Variants in IQCM observed in about 807,000 individuals in gnomAD.
The protein encoded by IQCM is IQ domain-containing protein M.
A neutral mutation model predicts 57.6 loss-of-function variants in IQCM; 45 were observed. That is an observed-to-expected ratio of 0.78 (90% CI 0.62 to 1.00). The LOEUF (loss-of-function observed/expected upper bound fraction) is 1.00, where lower values mean the gene tolerates loss of function less well. Among genes scored for constraint, IQCM ranks in the 50% least tolerant of loss-of-function variants. The pLI is 0.00. For synonymous variants in IQCM, 148 were observed against 158.9 expected, an observed-to-expected ratio of 0.93 and a Z score of 0.51; for missense variants, 468 against 511.6, an observed-to-expected ratio of 0.91 and a Z score of 0.82.
intron 2 of IQCM, among the ~76,000 whole-genome samples, chr4:149,751,338 T>C (rs886154223): frequency 7.2e-5 from 11 of 152,202 alleles, no homozygotes; most frequent in Admixed American, 7.2e-4. Flanking sequence ...TTATTCTACT[T>C]TGTTCTAACA....
At chr4:149,559,312 T>C (rs1371966219) in intron 10 of IQCM, among the ~76,000 whole-genome samples, 6 of 152,350 alleles carry the variant, frequency 3.9e-5, no homozygotes, top group Admixed American at 1.3e-4. Context: ...ACACCAAGTA[T>C]AAACTCCTTA....
At chr4:149,560,857 C>T (rs533888930) in intron 10 of IQCM, among the ~76,000 whole-genome samples, 1 of 152,172 alleles carries the variant, frequency 6.6e-6, no homozygotes, top group Non-Finnish European at 1.5e-5. Flanking sequence ...ATGGAAGTCT[C>T]CCAGCGGAGG....
intron 13 of IQCM, among the ~76,000 whole-genome samples, chr4:149,363,736 T>C (rs985818943): frequency 6.6e-6 from 1 of 152,198 alleles, no homozygotes; most frequent in African/African-American, 2.4e-5. Flanking sequence ...AGTTTTTAAA[T>C]AATCAGGTCC....
chr4:149,528,224 G>T (rs527630865), intron 12 of IQCM, among the ~76,000 whole-genome samples: 19 of 151,938 alleles, frequency 1.3e-4, no homozygotes, highest in Admixed American at 7.9e-4. Context: ...GACCTCAGAC[G>T]ATCCACCCAC....
chr4:149,637,384 C>T (rs1380596509), intron 7 of IQCM, among the ~76,000 whole-genome samples: 1 of 151,812 alleles, frequency 6.6e-6, no homozygotes, highest in African/African-American at 2.4e-5. Flanking sequence ...TTAAAGAAGG[C>T]CTAAATTAAT....
At chr4:149,550,539 C>A (rs1247635291) in intron 11 of IQCM, among the ~76,000 whole-genome samples, 1 of 152,136 alleles carries the variant, frequency 6.6e-6, no homozygotes, top group Non-Finnish European at 1.5e-5. Flanking sequence ...GACTTTGAAA[C>A]TGTATAATTG....
chr4:149,568,223 C>G (rs995552404), intron 9 of IQCM, among the ~76,000 whole-genome samples: 1 of 152,132 alleles, frequency 6.6e-6, no homozygotes, highest in Non-Finnish European at 1.5e-5. Context: ...GGCTCCAGGT[C>G]ACGGTCTCTG....
intron 2 of IQCM, among the ~76,000 whole-genome samples, chr4:149,760,052 C>T (rs935461537): frequency 4.2e-5 from 6 of 143,796 alleles, no homozygotes; most frequent in African/African-American, 7.4e-5. Context: ...GAGGGAGGGA[C>T]GGAGGAATAT....
At chr4:149,493,258 A>AG (rs1214725364) in intron 12 of IQCM, among the ~76,000 whole-genome samples, 1 of 151,950 alleles carries the variant, frequency 6.6e-6, no homozygotes, top group African/African-American at 2.4e-5. Flanking sequence ...TCCCTCATTG[A>AG]GAAAAAGGGG....
chr4:149,810,318 C>T (rs1051768321), intron 2 of IQCM, among the ~76,000 whole-genome samples: 5 of 142,734 alleles, frequency 3.5e-5, no homozygotes, highest in African/African-American at 5.3e-5. Flanking sequence ...GCCATGATTG[C>T]GCCATTACAC....
chr4:149,590,247 C>CTTTTTTTTTTTTTTTTTTTTTTTTTTTT (rs71596214), intron 8 of IQCM, among the ~76,000 whole-genome samples: 11 of 73,608 alleles, frequency 1.5e-4, no homozygotes, highest in East Asian at 8.6e-4. Flanking sequence ...TTTTTCTTTC[C>CTTTTTTTTTTTTTTTTTTTTTTTTTTTT]TTTTTTTTTT....
At chr4:149,358,150 G>A (rs1729146546) in intron 13 of IQCM, among the ~76,000 whole-genome samples, 1 of 152,024 alleles carries the variant, frequency 6.6e-6, no homozygotes, top group South Asian at 2.1e-4. Context: ...TTCTTCATTA[G>A]TCTTGCTAGC....
intron 12 of IQCM, among the ~76,000 whole-genome samples, chr4:149,479,701 G>A (rs1560893057): frequency 6.6e-6 from 1 of 152,114 alleles, no homozygotes; most frequent in Non-Finnish European, 1.5e-5. Context: ...TCTGCACCAG[G>A]CAGGGAGAGC....
chr4:149,409,375 T>G, intron 13 of IQCM, among the ~76,000 whole-genome samples: 1 of 152,220 alleles, frequency 6.6e-6, no homozygotes, highest in Non-Finnish European at 1.5e-5. Flanking sequence ...ACTCAGATAT[T>G]TTGGCACTCC....
intron 2 of IQCM, among the ~76,000 whole-genome samples, chr4:149,794,344 A>G (rs1168223460): frequency 6.6e-6 from 1 of 152,238 alleles, no homozygotes; most frequent in Non-Finnish European, 1.5e-5. Flanking sequence ...TTTTCTGTGA[A>G]GTGCTACACT....
chr4:149,615,544 G>A (rs9994684), intron 8 of IQCM, among the ~76,000 whole-genome samples: 4,557 of 152,156 alleles, frequency 0.03, 239 homozygotes, highest in African/African-American at 0.1. Context: ...GGTTGCAGAA[G>A]TGAAACGTTT....
At chr4:149,425,984 T>G (rs918387410) in intron 13 of IQCM, among the ~76,000 whole-genome samples, 3 of 152,040 alleles carry the variant, frequency 2.0e-5, no homozygotes, top group Non-Finnish European at 4.4e-5. Context: ...ACTTAATTGC[T>G]TCTATTATAT....
chr4:149,525,042 G>T (rs1746023509), intron 12 of IQCM, among the ~76,000 whole-genome samples: 1 of 151,654 alleles, frequency 6.6e-6, no homozygotes, highest in African/African-American at 2.4e-5. Flanking sequence ...AGAAGCACTG[G>T]AACCCAATGT....
chr4:149,422,184 AAG>A (rs1420055778), intron 13 of IQCM, among the ~76,000 whole-genome samples: 4 of 152,074 alleles, frequency 2.6e-5, no homozygotes, highest in Admixed American at 6.6e-5. Context: ...TGTTTTATGA[AAG>A]ATTTCAGAAT....
Sources: allele counts gnomAD v4.1 joint callset (sites outside exome capture counted in the v4.1 genomes callset), GRCh38; gene constraint gnomAD v4.1.1; transcripts MANE v1.5; gene names NCBI Gene and HGNC (gene_info 2026-07-23, HGNC 2026-07-21).